Variants in NLRC3 observed in about 807,000 individuals in gnomAD.
The protein encoded by NLRC3 is NLR family CARD domain containing 3, also known as NLR family CARD domain-containing protein 3.
In NLRC3, 87 loss-of-function variants were observed where a neutral mutation model predicts 91.6. That is an observed-to-expected ratio of 0.95 (90% CI 0.80 to 1.14). The LOEUF (loss-of-function observed/expected upper bound fraction) is 1.14, where lower values mean the gene tolerates loss of function less well. Among genes scored for constraint, NLRC3 ranks in the 50% most tolerant of loss-of-function variants. The probability of loss-of-function intolerance (pLI) is 0.00; values close to 1 mark genes in which losing one functional copy is unlikely to be tolerated. For synonymous variants in NLRC3, 694 were observed against 625.3 expected, an observed-to-expected ratio of 1.11 and a Z score of -1.64; for missense variants, 1,577 against 1,418.6, an observed-to-expected ratio of 1.11 and a Z score of -1.79.
chr16:3,573,874 A>G (rs1381950527), intron 1 of NLRC3, among the ~76,000 whole-genome samples: 1 of 152,022 alleles, frequency 6.6e-6, no homozygotes, highest in Non-Finnish European at 1.5e-5. Flanking sequence ...GCTGGAGTGC[A>G]GTGGTACGAT....
intron 1 of NLRC3, among the ~76,000 whole-genome samples, chr16:3,572,413 A>G (rs565612383): frequency 6.6e-6 from 1 of 151,948 alleles, no homozygotes; most frequent in African/African-American, 2.4e-5. Context: ...TGATCCTCCA[A>G]AGTAGCTGGG....
intron 1 of NLRC3, among the ~76,000 whole-genome samples, chr16:3,569,104 A>G (rs2151105189): frequency 6.6e-6 from 1 of 152,112 alleles, no homozygotes; most frequent in East Asian, 2.0e-4. Context: ...ACTTGAGGTC[A>G]GGAGTTCGAG....
rs778290596 is a variant in NLRC3 at position 3,564,946 on chromosome 16, G to T, written c.91C>A (p.Leu31Met). The T allele has an allele frequency of 1.2e-6, 2 of 1,610,676 alleles. No homozygotes were observed. The highest frequency in any genetic ancestry group is 1.3e-5 in the African/African-American group (1 of 74,940). Residue 31 changes from leucine (L) to methionine (M), a missense_variant, in exon 4 of 20, where the codon CTG becomes ATG. Physicochemically the swap from Leu to Met is conservative, Grantham distance 15. Coordinates refer to ENST00000359128, the MANE Select transcript of NLRC3 (RefSeq NM_178844.4). The surrounding 1 kb of genome is among the most constrained non-coding windows in gnomAD (Gnocchi z 5.9). ...PAEQVKALMD[L>M]LAGKGSQGSQ... ...CCTTGACTGCCCTTCCCAGCCAGCA[G>T]ATCCATGAGGGCTTTCACCTGCTCG...
intron 14 of NLRC3, among the ~76,000 whole-genome samples, chr16:3,548,445 T>C (rs2038813395): frequency 6.6e-6 from 1 of 152,244 alleles, no homozygotes; most frequent in African/African-American, 2.4e-5. Context: ...AAATGGCCTC[T>C]GCCTGGAGGC....
intron 2 of NLRC3, among the ~76,000 whole-genome samples, chr16:3,566,023 G>C (rs2039867874): frequency 6.9e-6 from 1 of 144,602 alleles, no homozygotes; most frequent in South Asian, 2.2e-4. Flanking sequence ...CTGGGTGACA[G>C]AGCAAGACCC....
rs1307052039 is a variant in NLRC3 at position 3,542,779 on chromosome 16, T to C, written c.2940-4A>G. 2.5e-6 allele frequency: 4 copies of C among 1,599,724 alleles called. No individual in the cohort carries two copies. Among genetic ancestry groups the C allele is most frequent in the Admixed American group, 1.7e-5 (1 of 58,474 alleles). On this transcript the variant is annotated splice_polypyrimidine_tract_variant and splice_region_variant and intron_variant, in intron 17 of 19. Coordinates refer to ENST00000359128, the MANE Select transcript of NLRC3 (RefSeq NM_178844.4). ...CCCAATGGCATTTCCTCTTAAGCTG[T>C]TGGGAAAGACAGGAAGCCTAAGGCA...
intron 13 of NLRC3, 146 bp from the exon 14 acceptor site, chr16:3,548,899 G>T: frequency 1.5e-6 from 1 of 668,660 alleles, no homozygotes. Context: ...CCAATGGCAT[G>T]GTAACATCCT....
chr16:3,548,770 A>T lies in NLRC3; in HGVS notation c.2604-17T>A. On this transcript the variant is annotated splice_polypyrimidine_tract_variant and intron_variant, in intron 13 of 19. Transcript: ENST00000359128. ...GCTGTCAGGCTAGGAGGAAGGGAACAGGAGCAAGTGAGCCGGGGGCCGGCT... is the reference window on the plus strand; with the variant it reads ...GCTGTCAGGCTAGGAGGAAGGGAACTGGAGCAAGTGAGCCGGGGGCCGGCT... The T allele has an allele frequency of 1.3e-6, 2 of 1,580,030 alleles. No individual in the cohort carries two copies.
intron 13 of NLRC3, 65 bp downstream of exon 13, chr16:3,549,077 C>T: frequency 7.8e-7 from 1 of 1,284,054 alleles, no homozygotes; most frequent in Non-Finnish European, 1.1e-6. Flanking sequence ...CCCGTCAGCC[C>T]AGGCTCGGTG....
intron 5 of NLRC3, 78 bp from the exon 6 acceptor site, chr16:3,561,866 C>G: frequency 2.1e-6 from 2 of 954,284 alleles, no homozygotes; most frequent in South Asian, 1.3e-5. Context: ...GGGCCTCTGC[C>G]TCTCTCCATC....
chr16:3,556,988 G>C lies in NLRC3; in HGVS notation c.2106C>G (p.Arg702=). 6.2e-7 allele frequency: 1 copy of C among 1,612,200 alleles called. No homozygotes were observed. The highest frequency in any genetic ancestry group is 8.5e-7 in the Non-Finnish European group (1 of 1,178,288). ...VNRSLTSLDL[R]GNSIGPQGAK... ...CCCCTTGTGGTCCAATGGAGTTACCGCGGAGGCTGAAGGAAGAGAGAAAGA... is the reference window on the plus strand; with the variant it reads ...CCCCTTGTGGTCCAATGGAGTTACCCCGGAGGCTGAAGGAAGAGAGAAAGA... The change falls in exon 8 of 20, where the codon CGC becomes CGG. Residue 702 remains arginine, a synonymous_variant. Transcript: ENST00000359128.
chr16:3,561,251 G>A (rs2039597153), intron 6 of NLRC3, among the ~76,000 whole-genome samples: 1 of 151,948 alleles, frequency 6.6e-6, no homozygotes, highest in Non-Finnish European at 1.5e-5. Flanking sequence ...GGAGGCTGGG[G>A]TTAGAGAACT....
chr16:3,558,138 T>G (rs1156728271), intron 6 of NLRC3, among the ~76,000 whole-genome samples: 4 of 152,268 alleles, frequency 2.6e-5, no homozygotes, highest in Admixed American at 6.5e-5. Flanking sequence ...AACCAGGCGT[T>G]TGAGACTAGC....
intron 19 of NLRC3, 104 bp downstream of exon 19, chr16:3,542,087 C>T (rs1221092934): frequency 1.1e-6 from 1 of 899,274 alleles, no homozygotes; most frequent in Non-Finnish European, 1.8e-6. Flanking sequence ...CCCTATAGGC[C>T]TGCTGAAGCG....
chr16:3,542,700 C>G lies in NLRC3; in HGVS notation c.3015G>C (p.Arg1005=). 1 of 1,608,214 alleles carries G rather than the reference C, an allele frequency of 6.2e-7. No homozygotes were observed. Among genetic ancestry groups the G allele is most frequent in the Non-Finnish European group, 8.5e-7 (1 of 1,176,440 alleles). ...TCCCTCCAGCCACTTACTTGAGTCT[C>G]CGGAGACTTGAGTTTACCTTCAGAG... ...ANALKVNSSL[R]RLNLQENSLG... Residue 1005 remains arginine, a synonymous_variant, in exon 18 of 20, where the codon CGG becomes CGC. Transcript: ENST00000359128.
At chr16:3,551,037 T>A (rs763443424) in intron 10 of NLRC3, among the ~76,000 whole-genome samples, 1 of 150,784 alleles carries the variant, frequency 6.6e-6, no homozygotes, top group Non-Finnish European at 1.5e-5. Flanking sequence ...ACTTACCCAT[T>A]CATCCATCCA....
intron 15 of NLRC3, 99 bp from the exon 16 acceptor site, chr16:3,544,428 A>G (rs1596429633): frequency 2.6e-6 from 2 of 757,900 alleles, no homozygotes; most frequent in East Asian, 5.2e-5. Flanking sequence ...CCGACTACAC[A>G]CACCATAGAC....
chr16:3,550,058 G>T (rs2038913545), intron 11 of NLRC3, among the ~76,000 whole-genome samples: 1 of 152,202 alleles, frequency 6.6e-6, no homozygotes, highest in Admixed American at 6.5e-5. Context: ...AGCAGGGTGT[G>T]TTGGGTCTGC....
At chr16:3,576,929 CAA>C (rs34969194) in intron 1 of NLRC3, among the ~76,000 whole-genome samples, 1 of 152,174 alleles carries the variant, frequency 6.6e-6, no homozygotes. Context: ...CTTGGCCTCC[CAA>C]AGTGTTGGGA....
Sources: allele counts gnomAD v4.1 joint callset (sites outside exome capture counted in the v4.1 genomes callset), GRCh38; gene constraint gnomAD v4.1.1; non-coding constraint Gnocchi (gnomAD v3.1); transcripts MANE v1.5; gene names NCBI Gene and HGNC (gene_info 2026-07-23, HGNC 2026-07-21).